The following ZNF471 variants were observed in gnomAD, a reference collection of about 807,000 sequenced individuals.
ZNF471 encodes the protein zinc finger protein 471.
A neutral mutation model predicts 13.7 loss-of-function variants in ZNF471; 7 were observed. That is an observed-to-expected ratio of 0.51 (90% CI 0.29 to 0.96). The LOEUF is 0.96. Ranked by LOEUF, ZNF471 falls within the 40% of genes least tolerant of loss-of-function variation. The probability of loss-of-function intolerance (pLI) is 0.08; values close to 1 mark genes in which losing one functional copy is unlikely to be tolerated. For synonymous variants in ZNF471, 218 were observed against 235.6 expected, an observed-to-expected ratio of 0.93 and a Z score of 0.68; for missense variants, 663 against 743.3, an observed-to-expected ratio of 0.89 and a Z score of 1.26.
rs769837663 is a variant in ZNF471, at chr19:56,525,670, A to AAAACT, written c.1604_1608dup (p.His537LysfsTer80). ...GAGATCACACCTTGCCCAACATCAG[A>AAAACT]AAACTCATACAGGAGAGAAACCTTA... On this transcript the variant is annotated frameshift_variant, in exon 5 of 5. Coordinates refer to ENST00000308031, the MANE Select transcript of ZNF471 (RefSeq NM_020813.4). LOFTEE classifies it low-confidence loss of function (END_TRUNC). 6.2e-7 allele frequency: 1 copy of AAAACT among 1,614,198 alleles called. No homozygotes were observed.
intron 2 of ZNF471, among the ~76,000 whole-genome samples, chr19:56,512,519 G>C (rs1202286386): frequency 6.6e-6 from 1 of 151,816 alleles, no homozygotes; most frequent in Non-Finnish European, 1.5e-5. Context: ...TTTATAATAA[G>C]TGAGGCAGAG....
Position 56,528,067 on chromosome 19 carries a change from A to T in ZNF471, c.*2119A>T, listed in dbSNP as rs1266837641. On this transcript the variant is annotated 3_prime_UTR_variant, in exon 5 of 5. Transcript: ENST00000308031. ...TAGCTGATGAGCTAAGAAAAAAAAA[A>T]AGTCTGTGCATAGTTTTAGTGATAC... The T allele has an allele frequency of 6.6e-6, 1 of 152,164 alleles. No individual in the cohort carries two copies. Among genetic ancestry groups the T allele is most frequent in the African/African-American group, 2.4e-5 (1 of 41,446 alleles). The allele number at this position is 152,164 out of a possible 1,614,324, so 9.4% of individuals were successfully genotyped here. A position where few individuals can be genotyped will look rare whatever the true frequency, so the allele number is the denominator to read the frequency against.
chr19:56,523,036 G>A (rs370172267), intron 4 of ZNF471, among the ~76,000 whole-genome samples: 2 of 152,082 alleles, frequency 1.3e-5, no homozygotes, highest in African/African-American at 4.8e-5. Flanking sequence ...GCACCTGGCC[G>A]ATGTTGCAAT....
At position 56,508,762 on chromosome 19, in the gene ZNF471, A is replaced by C. The variant is rs911665129; in HGVS notation, c.-56+842A>C. On this transcript the variant is annotated intron_variant, in intron 1 of 4. Transcript: ENST00000308031. The surrounding 1 kb of genome is among the most constrained non-coding windows in gnomAD (Gnocchi z 4.7). ...TTATGTGTGTCTGACAGACTGAGAG[A>C]GACCAGAGTGTGAGACCAGGGTGTG... Among the ~76,000 whole-genome samples, 1 of 150,800 alleles carries C rather than the reference A, an allele frequency of 6.6e-6. No individual in the cohort carries two copies. Among genetic ancestry groups the C allele is most frequent in the Non-Finnish European group, 1.5e-5 (1 of 67,750 alleles).
At chr19:56,518,020 T>C (rs2043917877) in intron 3 of ZNF471, among the ~76,000 whole-genome samples, 1 of 152,206 alleles carries the variant, frequency 6.6e-6, no homozygotes, top group Non-Finnish European at 1.5e-5. Flanking sequence ...TGTGAGCGTC[T>C]ATTGCTTGCT....
rs975682142 is a variant in ZNF471, at chr19:56,510,274, C to T, written c.-55-1243C>T. 5.1e-6 allele frequency: 5 copies of T among 985,134 alleles called. No individual in the cohort carries two copies. In the African/African-American group the frequency reaches 8.8e-5, roughly 17 times the overall value. The allele number at this position is 985,134 out of a possible 1,614,324, so 61.0% of individuals were successfully genotyped here. A position where few individuals can be genotyped will look rare whatever the true frequency, so the allele number is the denominator to read the frequency against. ...GTAACTGAGGCCTCTTTGAAAGATACCATTGAATGTGTATGTATGAGAGAC... is the reference window on the plus strand; with the variant it reads ...GTAACTGAGGCCTCTTTGAAAGATATCATTGAATGTGTATGTATGAGAGAC... On this transcript the variant is annotated intron_variant, in intron 1 of 4. Coordinates refer to ENST00000308031, the MANE Select transcript of ZNF471 (RefSeq NM_020813.4). The surrounding 1 kb of genome is among the most constrained non-coding windows in gnomAD (Gnocchi z 4.3).
At position 56,525,206 on chromosome 19, in the gene ZNF471, G is replaced by A. The variant is rs886353046; in HGVS notation, c.1139G>A (p.Cys380Tyr). The change falls in exon 5 of 5, where the codon TGT becomes TAT. Residue 380 changes from cysteine to tyrosine, a missense_variant. Transcript: ENST00000308031. ...TGEKPFNCID[C>Y]GKAFSVHIGL... ...GAGAAGCCTTTTAATTGCATTGATT[G>A]TGGGAAAGCCTTCAGTGTTCACATA... The A allele has an allele frequency of 3.1e-6, 5 of 1,614,070 alleles. No homozygotes were observed. The highest frequency in any genetic ancestry group is 4.2e-6 in the Non-Finnish European group (5 of 1,180,034).
chr19:56,509,938 A>G, intron 1 of ZNF471: 1 of 985,350 alleles, frequency 1.0e-6, no homozygotes, highest in South Asian at 4.7e-5. Flanking sequence ...AAAGATGAAC[A>G]AGTATGAGGC....
At chr19:56,511,441 A>C in intron 1 of ZNF471, 76 bp from the exon 2 acceptor site, 1 of 1,144,516 alleles carries the variant, frequency 8.7e-7, no homozygotes. Context: ...GGGAAGAAGA[A>C]GACAGTTTTA....
chr19:56,517,901 A>ACAGCG (rs2043915692), intron 3 of ZNF471, among the ~76,000 whole-genome samples: 1 of 152,188 alleles, frequency 6.6e-6, no homozygotes, highest in South Asian at 2.1e-4. Context: ...CGTTTCTGAG[A>ACAGCG]TATCCTGTGT....
chr19:56,517,388 C>T (rs1248110109), intron 3 of ZNF471, among the ~76,000 whole-genome samples: 9 of 151,408 alleles, frequency 5.9e-5, no homozygotes, highest in East Asian at 5.8e-4. Context: ...CTGCAAGCTC[C>T]GCCTCCTGGG....
chr19:56,511,533 C>T lies in ZNF471; in HGVS notation c.-39C>T. 1.9e-6 allele frequency: 3 copies of T among 1,613,556 alleles called. No individual in the cohort carries two copies. The highest frequency in any genetic ancestry group is 2.5e-6 in the Non-Finnish European group (3 of 1,179,672). On this transcript the variant is annotated 5_prime_UTR_variant, in exon 2 of 5. Coordinates refer to ENST00000308031, the MANE Select transcript of ZNF471 (RefSeq NM_020813.4). ...TTCCTTCAGCCTTGCCCTCCCAAGA[C>T]ACTGTTCTTCAAGAGAAAGACCAGA...
At position 56,524,140 on chromosome 19, in the gene ZNF471, C is replaced by G. The variant is rs1380576618; in HGVS notation, c.257-184C>G. On this transcript the variant is annotated intron_variant, in intron 4 of 4. Coordinates refer to ENST00000308031, the MANE Select transcript of ZNF471 (RefSeq NM_020813.4). The surrounding 1 kb of genome is among the most constrained non-coding windows in gnomAD (Gnocchi z 4.8). ...TAGCCCATTTCGCTTTCTTAGTCAC[C>G]TCTCCCATGTTCCTTCATGAGCTGT... Among the ~76,000 whole-genome samples, 1 of 152,148 alleles carries G rather than the reference C, an allele frequency of 6.6e-6. No homozygotes were observed. Among genetic ancestry groups the G allele is most frequent in the Non-Finnish European group, 1.5e-5 (1 of 68,018 alleles).
intron 4 of ZNF471, among the ~76,000 whole-genome samples, chr19:56,523,200 A>T (rs868496480): frequency 2.0e-5 from 3 of 152,182 alleles, no homozygotes; most frequent in Non-Finnish European, 4.4e-5. Flanking sequence ...GGGAAATGGT[A>T]AAACCCTGTT....
At chr19:56,521,374 C>T (rs2147922581) in intron 4 of ZNF471, among the ~76,000 whole-genome samples, 1 of 152,296 alleles carries the variant, frequency 6.6e-6, no homozygotes, top group South Asian at 2.1e-4. Context: ...CGTGGTGGCT[C>T]ATGCCCATAA....
At position 56,524,835 on chromosome 19, in the gene ZNF471, T is replaced by G. The variant is rs2044022469; in HGVS notation, c.768T>G (p.His256Gln). 1 of 1,612,472 alleles carries G rather than the reference T, an allele frequency of 6.2e-7. No homozygotes were observed. The highest frequency in any genetic ancestry group is 1.3e-5 in the African/African-American group (1 of 74,794). Residue 256 changes from histidine (H) to glutamine (Q), a missense_variant, in exon 5 of 5, where the codon CAT (histidine) becomes CAG (glutamine). Transcript: ENST00000308031. This position sits in a 1 kb window ranked among gnomAD's most constrained non-coding sequence, Gnocchi z 4.8. ...RQHLAQHHRTHTGEKLFECKE... is the reference protein window; with the variant it reads ...RQHLAQHHRTQTGEKLFECKE... ...ACCTTGCTCAACATCACAGAACACA[T>G]ACTGGAGAGAAACTCTTTGAATGTA...
chr19:56,521,023 A>C (rs1306897172), intron 4 of ZNF471, among the ~76,000 whole-genome samples: 1 of 152,232 alleles, frequency 6.6e-6, no homozygotes, highest in African/African-American at 2.4e-5. Context: ...ACATGGTGGC[A>C]GTCAGGAGAG....
chr19:56,510,393 T>C lies in ZNF471; in HGVS notation c.-55-1124T>C, dbSNP rs2043794173. ...GGTGAGAAAGAAACTATGTGAACCA[T>C]GGTGTGTTATCCAAAAGGCTTTACA... is the stretch of plus-strand genomic sequence containing the variant. On this transcript the variant is annotated intron_variant, in intron 1 of 4. Transcript: ENST00000308031. This position sits in a 1 kb window ranked among gnomAD's most constrained non-coding sequence, Gnocchi z 4.3. The C allele has an allele frequency of 4.1e-6, 4 of 985,460 alleles. No homozygotes were observed. Among genetic ancestry groups the C allele is most frequent in the Non-Finnish European group, 4.8e-6 (4 of 829,974 alleles). 61.0% of individuals were successfully genotyped at this position (985,460 alleles called of 1,614,324 possible).
intron 2 of ZNF471, among the ~76,000 whole-genome samples, chr19:56,513,525 T>G (rs567212291): frequency 2.0e-5 from 3 of 152,220 alleles, no homozygotes; most frequent in South Asian, 2.1e-4. Flanking sequence ...AATCTCCTGT[T>G]AAGCCCATAA....
Sources: allele counts gnomAD v4.1 joint callset (sites outside exome capture counted in the v4.1 genomes callset), GRCh38; gene constraint gnomAD v4.1.1; non-coding constraint Gnocchi (gnomAD v3.1); transcripts MANE v1.5; gene names NCBI Gene and HGNC (gene_info 2026-07-23, HGNC 2026-07-21).